DLG2: variants seen among roughly 807,000 people sequenced by gnomAD.
DLG2 encodes discs large MAGUK scaffold protein 2.
Under a neutral mutation model 132.5 loss-of-function variants are expected in DLG2, and 45 were observed. The observed-to-expected ratio is 0.34, with a 90% CI of 0.27 to 0.44. DLG2 has a LOEUF of 0.44. Ranked by LOEUF, DLG2 falls within the 20% of genes least tolerant of loss-of-function variation. The pLI is 1.00. For synonymous variants in DLG2, 424 were observed against 419.6 expected, an observed-to-expected ratio of 1.01 and a Z score of -0.13; for missense variants, 1,045 against 1,196.9, an observed-to-expected ratio of 0.87 and a Z score of 1.87.
At chr11:85,145,097 T>C (rs975508976) in intron 5 of DLG2, among the ~76,000 whole-genome samples, 1 of 151,816 alleles carries the variant, frequency 6.6e-6, no homozygotes, top group South Asian at 2.1e-4. Flanking sequence ...TATGCTATTC[T>C]AGGATAAAAG....
chr11:85,076,415 G>A (rs1030680476), intron 6 of DLG2, among the ~76,000 whole-genome samples: 3 of 152,012 alleles, frequency 2.0e-5, no homozygotes, highest in African/African-American at 7.2e-5. Flanking sequence ...TCAGGAAACA[G>A]CCAATTAACT....
At chr11:85,396,007 C>T (rs2152954715) in intron 3 of DLG2, among the ~76,000 whole-genome samples, 1 of 152,280 alleles carries the variant, frequency 6.6e-6, no homozygotes, top group South Asian at 2.1e-4. Flanking sequence ...GAAACACCTC[C>T]CAGTAGGGGC....
rs115149613 is a variant in DLG2, at chr11:83,849,349, A to C, written c.1566-15579T>G. Among the ~76,000 whole-genome samples the C allele has an allele frequency of 1.5e-3, 219 of 149,856 alleles. 1 individual carries two copies. Among genetic ancestry groups the C allele is most frequent in the African/African-American group, 5.1e-3 (208 of 41,118 alleles). ...TAAATTAATAAATAATAAACAAATA[A>C]AAAATTGCAAGCTCTTAATAGCCAT... On this transcript the variant is annotated intron_variant, in intron 16 of 27. Transcript: ENST00000376104.
chr11:84,309,703 T>C (rs1473867273), intron 7 of DLG2, among the ~76,000 whole-genome samples: 2 of 152,166 alleles, frequency 1.3e-5, no homozygotes, highest in Non-Finnish European at 2.9e-5. Flanking sequence ...AAAAAGAGGA[T>C]AGACCATGAA....
chr11:84,200,215 G>C (rs1415691218), intron 8 of DLG2, among the ~76,000 whole-genome samples: 1 of 152,000 alleles, frequency 6.6e-6, no homozygotes, highest in Non-Finnish European at 1.5e-5. Flanking sequence ...AAAAAATGTA[G>C]TCAATAAGTA....
chr11:83,889,005 A>G (rs1188694583), intron 15 of DLG2, among the ~76,000 whole-genome samples: 3 of 152,174 alleles, frequency 2.0e-5, no homozygotes, highest in South Asian at 2.1e-4. Flanking sequence ...TAAAAACCCT[A>G]GAAGAAAACC....
At chr11:85,223,353 G>A (rs1433725592) in intron 4 of DLG2, among the ~76,000 whole-genome samples, 1 of 152,092 alleles carries the variant, frequency 6.6e-6, no homozygotes, top group Non-Finnish European at 1.5e-5. Flanking sequence ...AGTCTAGAAG[G>A]ATGAGCATGG....
chr11:84,808,349 T>A (rs930149866), intron 6 of DLG2, among the ~76,000 whole-genome samples: 1 of 151,998 alleles, frequency 6.6e-6, no homozygotes, highest in Non-Finnish European at 1.5e-5. Context: ...TAAAGTGAAA[T>A]TGAAGGCATT....
intron 6 of DLG2, among the ~76,000 whole-genome samples, chr11:84,907,740 C>T (rs531419536): frequency 6.6e-6 from 1 of 152,250 alleles, no homozygotes; most frequent in African/African-American, 2.4e-5. Flanking sequence ...GAAAACCTGT[C>T]TGCACCCAAT....
At chr11:83,670,537 C>A (rs1392951213) in intron 18 of DLG2, among the ~76,000 whole-genome samples, 1 of 151,826 alleles carries the variant, frequency 6.6e-6, no homozygotes. Flanking sequence ...GGCTCACTCA[C>A]AAGCACATAT....
chr11:84,752,859 G>A (rs975877805), intron 6 of DLG2, among the ~76,000 whole-genome samples: 3 of 149,350 alleles, frequency 2.0e-5, no homozygotes, highest in Non-Finnish European at 3.0e-5. Context: ...GAGAATGATG[G>A]TTTCCAATTT....
In DLG2 at chr11:84,428,637, A is replaced by T. The variant is rs1211835130; in HGVS notation, c.519+105933T>A. 2.0e-5 allele frequency among the ~76,000 whole-genome samples: 3 copies of T among 152,348 alleles called. No homozygotes were observed. In the East Asian group the frequency reaches 5.8e-4, roughly 29 times the overall value. On this transcript the variant is annotated intron_variant, in intron 7 of 27. Transcript: ENST00000376104. ...CTTACAATGCCACCAAGCCTATCAG[A>T]TTCAGACCCCACCATTATGGCCTCA...
intron 7 of DLG2, among the ~76,000 whole-genome samples, chr11:84,407,187 T>C (rs994491343): frequency 5.3e-5 from 8 of 152,252 alleles, no homozygotes; most frequent in Non-Finnish European, 8.8e-5. Context: ...ATGCCTAATA[T>C]GTCAGGCTCC....
intron 3 of DLG2, among the ~76,000 whole-genome samples, chr11:85,374,981 C>A (rs1449723794): frequency 2.0e-5 from 3 of 152,172 alleles, no homozygotes; most frequent in African/African-American, 7.2e-5. Context: ...CACACACACA[C>A]ACGAAGACAT....
intron 6 of DLG2, among the ~76,000 whole-genome samples, chr11:84,979,838 A>G (rs1239185559): frequency 1.3e-5 from 2 of 152,076 alleles, no homozygotes; most frequent in Non-Finnish European, 2.9e-5. Flanking sequence ...CAAAAAAAAA[A>G]CAAAAAAACT....
At chr11:85,177,288 C>CAT (rs1276439869) in intron 4 of DLG2, among the ~76,000 whole-genome samples, 7,140 of 119,296 alleles carry the variant, frequency 0.06, 253 homozygotes, top group East Asian at 0.13. Context: ...TATACATATA[C>CAT]ACACACACAC....
intron 6 of DLG2, among the ~76,000 whole-genome samples, chr11:85,107,856 C>T (rs898282008): frequency 5.1e-5 from 7 of 136,372 alleles, no homozygotes; most frequent in South Asian, 2.3e-4. Flanking sequence ...AAATAATTAA[C>T]GGGGAGTATA....
chr11:84,730,628 A>G (rs934571306), intron 6 of DLG2, among the ~76,000 whole-genome samples: 4 of 152,050 alleles, frequency 2.6e-5, no homozygotes, highest in Non-Finnish European at 5.9e-5. Context: ...AAGACTGACA[A>G]GAACATGGCT....
chr11:83,479,433 A>AAAAG (rs1459602625), intron 22 of DLG2, among the ~76,000 whole-genome samples: 4 of 152,154 alleles, frequency 2.6e-5, no homozygotes, highest in Admixed American at 1.3e-4. Context: ...TCATTCAAAC[A>AAAAG]AAAGACAACA....
Sources: allele counts gnomAD v4.1 joint callset (sites outside exome capture counted in the v4.1 genomes callset), GRCh38; gene constraint gnomAD v4.1.1; transcripts MANE v1.5; gene names NCBI Gene and HGNC (gene_info 2026-07-23, HGNC 2026-07-21).